The following SHROOM3 variants were observed in gnomAD, a reference collection of about 807,000 sequenced individuals.
The protein encoded by SHROOM3 is shroom family member 3.
A neutral mutation model predicts 138.6 loss-of-function variants in SHROOM3; 47 were observed. The observed-to-expected ratio is 0.34, with a 90% CI of 0.27 to 0.43. The LOEUF (loss-of-function observed/expected upper bound fraction) is 0.43, where lower values mean the gene tolerates loss of function less well. Ranked by LOEUF, SHROOM3 falls within the 20% of genes least tolerant of loss-of-function variation. SHROOM3 has a pLI of 1.00. For synonymous variants in SHROOM3, 1,062 were observed against 1,063.3 expected (o/e 1.00, Z 0.02); for missense variants, 2,491 against 2,596.5 (o/e 0.96, Z 0.88).
chr4:76,774,685 T>A (rs546942507), intron 10 of SHROOM3, among the ~76,000 whole-genome samples: 1 of 151,054 alleles, frequency 6.6e-6, no homozygotes, highest in African/African-American at 2.4e-5. Flanking sequence ...CTCATTCAAA[T>A]TCAGTCCCTC....
At chr4:76,753,847 T>TTCA (rs1395769119) in intron 6 of SHROOM3, among the ~76,000 whole-genome samples, 269 of 152,306 alleles carry the variant, frequency 1.8e-3, no homozygotes, top group African/African-American at 6.3e-3. Context: ...CAGCAGCCCA[T>TTCA]GCAAATGCTT....
chr4:76,757,123 CAAAG>C, intron 8 of SHROOM3, 186 bp downstream of exon 8: 1 of 757,304 alleles, frequency 1.3e-6, no homozygotes, highest in Non-Finnish European at 2.1e-6. Context: ...TATGCAACAA[CAAAG>C]AAAGTAATAG....
chr4:76,588,063 A>G (rs974814415), intron 2 of SHROOM3, among the ~76,000 whole-genome samples: 3 of 152,308 alleles, frequency 2.0e-5, no homozygotes, highest in East Asian at 3.9e-4. Context: ...ATTGTCTTCC[A>G]TAAAAACCCC....
chr4:76,483,835 C>A (rs984789151), intron 1 of SHROOM3, among the ~76,000 whole-genome samples: 2 of 152,144 alleles, frequency 1.3e-5, no homozygotes, highest in African/African-American at 4.8e-5. Context: ...AGTTAATGTC[C>A]TTTGCAGGGG....
chr4:76,519,958 C>T (rs1222906056), intron 1 of SHROOM3, among the ~76,000 whole-genome samples: 2 of 152,110 alleles, frequency 1.3e-5, no homozygotes, highest in Admixed American at 6.5e-5. Context: ...TGAAATTCTG[C>T]TTGATGCTTT....
intron 3 of SHROOM3, chr4:76,716,350 C>T: frequency 1.9e-6 from 1 of 518,958 alleles, no homozygotes; most frequent in Non-Finnish European, 3.8e-6. Flanking sequence ...TATTCCACGA[C>T]TGAATATGAC....
At chr4:76,653,046 C>G (rs1362105199) in intron 2 of SHROOM3, among the ~76,000 whole-genome samples, 1 of 151,952 alleles carries the variant, frequency 6.6e-6, no homozygotes, top group Non-Finnish European at 1.5e-5. Context: ...AGTCTAACTT[C>G]AAAGCTAGAA....
chr4:76,706,643 G>T (rs150122780), intron 2 of SHROOM3, among the ~76,000 whole-genome samples: 2 of 152,250 alleles, frequency 1.3e-5, no homozygotes, highest in Admixed American at 6.5e-5. Context: ...AAAAATCTGC[G>T]TATAAGAGGA....
intron 1 of SHROOM3, among the ~76,000 whole-genome samples, chr4:76,449,489 C>A (rs898277888): frequency 6.6e-6 from 1 of 152,170 alleles, no homozygotes; most frequent in Non-Finnish European, 1.5e-5. Flanking sequence ...CACTAACATG[C>A]GTTTCCTTGA....
chr4:76,734,983 G>A (rs1720992889), intron 4 of SHROOM3, among the ~76,000 whole-genome samples: 1 of 152,182 alleles, frequency 6.6e-6, no homozygotes, highest in Non-Finnish European at 1.5e-5. Context: ...ACTCCGGGTG[G>A]TGGGAGCAGT....
At position 76,705,973 on chromosome 4, in the gene SHROOM3, T is replaced by C. The variant is rs1720034998; in HGVS notation, c.324-4183T>C. ...GAGTCAAAAATCCATTTACAACTCT[T>C]GACTACCCTAAAACCTAACTACCAA... is the stretch of plus-strand genomic sequence containing the variant. On this transcript the variant is annotated intron_variant, in intron 2 of 10. Transcript: ENST00000296043. Among the ~76,000 whole-genome samples the C allele has an allele frequency of 3.3e-5, 5 of 152,190 alleles. No homozygotes were observed. In the South Asian group the frequency reaches 6.2e-4, roughly 19 times the overall value.
chr4:76,531,549 T>C (rs17254723), intron 1 of SHROOM3, among the ~76,000 whole-genome samples: 459 of 152,278 alleles, frequency 3.0e-3, no homozygotes, highest in Middle Eastern at 6.8e-3. Context: ...TGAAAAAGAC[T>C]AGAAACATCA....
At chr4:76,626,051 T>C (rs10021971) in intron 2 of SHROOM3, among the ~76,000 whole-genome samples, 55,479 of 152,102 alleles carry the variant, frequency 0.36, 10,703 homozygotes, top group East Asian at 0.51. Flanking sequence ...CAGAATGTGC[T>C]CTGTGGTGTT....
At chr4:76,778,690 G>C in intron 10 of SHROOM3, 119 bp from the exon 11 acceptor site, 7 of 1,380,996 alleles carry the variant, frequency 5.1e-6, no homozygotes, top group Non-Finnish European at 7.1e-6. Context: ...TTACTTAGGA[G>C]TGACAATAGG....
chr4:76,476,933 A>G (rs141953706), intron 1 of SHROOM3, among the ~76,000 whole-genome samples: 1 of 152,156 alleles, frequency 6.6e-6, no homozygotes. Context: ...ATATAAGAGA[A>G]TGTTCATGAA....
intron 9 of SHROOM3, among the ~76,000 whole-genome samples, chr4:76,764,743 G>A (rs1275045087): frequency 6.6e-6 from 1 of 152,120 alleles, no homozygotes; most frequent in Non-Finnish European, 1.5e-5. Flanking sequence ...CCTCCTGTAT[G>A]CAATGTGTTG....
intron 2 of SHROOM3, among the ~76,000 whole-genome samples, chr4:76,563,976 G>T (rs559254082): frequency 1.1e-4 from 17 of 152,326 alleles, no homozygotes; most frequent in African/African-American, 4.1e-4. Context: ...AAGCACAGGA[G>T]CTGAAGTGGC....
At position 76,741,079 on chromosome 4, in the gene SHROOM3, G is replaced by C. The variant is rs775348534; in HGVS notation, c.2906G>C (p.Arg969Pro). ...PRPSSAHVGL[R>P]SPEASASASP... ...CCTTCCTCGGCCCACGTGGGGCTGC[G>C]GAGCCCCGAGGCGTCGGCCTCCGCC... Residue 969 changes from arginine to proline, a missense_variant, in exon 5 of 11, where the codon CGG becomes CCG. Around this residue, in one of 4 missense-constraint regions of SHROOM3, gnomAD observed 1,733 missense variants for 1,661.6 expected, o/e 1.04. Transcript: ENST00000296043. The surrounding 1 kb of genome is among the most constrained non-coding windows in gnomAD (Gnocchi z 6.2). 1 of 1,535,856 alleles carries C rather than the reference G, an allele frequency of 6.5e-7. No homozygotes were observed. The highest frequency in any genetic ancestry group is 8.8e-7 in the Non-Finnish European group (1 of 1,141,866).
intron 2 of SHROOM3, among the ~76,000 whole-genome samples, chr4:76,625,643 T>C (rs1331106472): frequency 6.6e-6 from 1 of 152,162 alleles, no homozygotes; most frequent in Non-Finnish European, 1.5e-5. Flanking sequence ...CCTTTCCTAC[T>C]TCACACTCCA....
Sources: allele counts gnomAD v4.1 joint callset (sites outside exome capture counted in the v4.1 genomes callset), GRCh38; gene constraint gnomAD v4.1.1; regional missense constraint gnomAD v4.1.1; non-coding constraint Gnocchi (gnomAD v3.1); transcripts MANE v1.5; gene names NCBI Gene and HGNC (gene_info 2026-07-23, HGNC 2026-07-21).